The following PTPRD variants were observed in gnomAD, a reference collection of about 807,000 sequenced individuals.
PTPRD encodes receptor-type tyrosine-protein phosphatase delta.
A neutral mutation model predicts 214.5 loss-of-function variants in PTPRD; 34 were observed. The ratio of observed to expected loss-of-function variants is 0.16; its 90% CI spans 0.12 to 0.21. The LOEUF (loss-of-function observed/expected upper bound fraction) is 0.21, where lower values mean the gene tolerates loss of function less well. PTPRD is among the 10% of genes least tolerant of loss of function. PTPRD has a pLI of 1.00. For missense variants in PTPRD, 2,545 were observed against 2,398.7 expected (o/e 1.06, Z -1.27); for synonymous variants, 1,128 against 845.7 (o/e 1.33, Z -5.79).
At chr9:10,607,852 T>A (rs1018517226) in intron 2 of PTPRD, among the ~76,000 whole-genome samples, 10 of 151,976 alleles carry the variant, frequency 6.6e-5, no homozygotes, top group African/African-American at 1.9e-4. Context: ...TACATTTTTT[T>A]AAAGTTAATG....
chr9:9,133,587 CTT>C (rs923758816), intron 10 of PTPRD, among the ~76,000 whole-genome samples: 14 of 152,098 alleles, frequency 9.2e-5, no homozygotes, highest in Non-Finnish European at 1.6e-4. Context: ...AAAAAACTCA[CTT>C]TTGAAGACAT....
At chr9:10,029,174 G>C (rs2096996550) in intron 4 of PTPRD, among the ~76,000 whole-genome samples, 1 of 152,344 alleles carries the variant, frequency 6.6e-6, no homozygotes, top group Non-Finnish European at 1.5e-5. Flanking sequence ...CTAGATTTCA[G>C]AGGATGTACA....
At chr9:9,478,176 C>G (rs1372287987) in intron 8 of PTPRD, among the ~76,000 whole-genome samples, 1 of 152,086 alleles carries the variant, frequency 6.6e-6, no homozygotes, top group African/African-American at 2.4e-5. Flanking sequence ...CTGTTAATAA[C>G]TTGAACATTT....
chr9:10,096,853 T>C (rs1255268670), intron 3 of PTPRD, among the ~76,000 whole-genome samples: 3 of 152,216 alleles, frequency 2.0e-5, no homozygotes, highest in Admixed American at 6.6e-5. Context: ...GGTTTTCTTC[T>C]AGGGTTTTTA....
chr9:10,598,658 C>A (rs1468716348), intron 2 of PTPRD, among the ~76,000 whole-genome samples: 1 of 128,626 alleles, frequency 7.8e-6, no homozygotes, highest in African/African-American at 2.8e-5. Flanking sequence ...ATGTTTTGAA[C>A]CATTTTTATA....
chr9:8,755,386 G>A (rs147591331), intron 11 of PTPRD, among the ~76,000 whole-genome samples: 189 of 151,824 alleles, frequency 1.2e-3, no homozygotes, highest in African/African-American at 3.8e-3. Flanking sequence ...AAAATTAGCC[G>A]AGCATGGCGG....
At chr9:9,214,158 C>T (rs1287916920) in intron 9 of PTPRD, among the ~76,000 whole-genome samples, 4 of 152,148 alleles carry the variant, frequency 2.6e-5, no homozygotes, top group Middle Eastern at 3.4e-3. Flanking sequence ...GCAAAGTATC[C>T]GGGACATTTG....
chr9:8,550,936 C>T (rs1174054884), intron 14 of PTPRD, among the ~76,000 whole-genome samples: 1 of 152,204 alleles, frequency 6.6e-6, no homozygotes, highest in South Asian at 2.1e-4. Flanking sequence ...TGAGCTTATG[C>T]TATAGCTCTC....
intron 33 of PTPRD, among the ~76,000 whole-genome samples, chr9:8,453,404 TCC>T (rs2096046767): frequency 6.6e-6 from 1 of 152,156 alleles, no homozygotes; most frequent in African/African-American, 2.4e-5. Context: ...GACCTTGTGA[TCC>T]ACCCGCCTCA....
intron 39 of PTPRD, among the ~76,000 whole-genome samples, chr9:8,372,274 T>C (rs192950005): frequency 9.9e-5 from 15 of 152,126 alleles, no homozygotes; most frequent in South Asian, 4.1e-4. Context: ...TCATGTTGAA[T>C]TTTTCTTCTC....
chr9:8,547,949 G>A (rs942870182), intron 14 of PTPRD, among the ~76,000 whole-genome samples: 10 of 152,234 alleles, frequency 6.6e-5, no homozygotes, highest in East Asian at 1.9e-4. Context: ...CTCAGCACCT[G>A]ACAGCTGCAA....
intron 2 of PTPRD, among the ~76,000 whole-genome samples, chr9:10,530,665 A>C (rs2055970769): frequency 6.6e-6 from 1 of 152,184 alleles, no homozygotes; most frequent in East Asian, 1.9e-4. Context: ...AATTAATCAT[A>C]ATGATAATAA....
At chr9:9,159,723 T>A (rs1323071607) in intron 10 of PTPRD, among the ~76,000 whole-genome samples, 1 of 152,064 alleles carries the variant, frequency 6.6e-6, no homozygotes, top group Non-Finnish European at 1.5e-5. Context: ...CTTAAATTCG[T>A]ATGGAACTAC....
chr9:8,487,548 T>G (rs998995974), intron 27 of PTPRD, among the ~76,000 whole-genome samples: 3 of 151,636 alleles, frequency 2.0e-5, no homozygotes, highest in Admixed American at 1.3e-4. Context: ...CTGGGTGTGG[T>G]GGCTCACACC....
intron 10 of PTPRD, among the ~76,000 whole-genome samples, chr9:9,120,416 G>C (rs2099816512): frequency 2.0e-5 from 3 of 152,168 alleles, no homozygotes; most frequent in Admixed American, 2.0e-4. Context: ...GCAGCACTCA[G>C]GCAATCTGCC....
At chr9:9,076,322 T>C (rs572050405) in intron 10 of PTPRD, among the ~76,000 whole-genome samples, 119 of 152,238 alleles carry the variant, frequency 7.8e-4, no homozygotes, top group African/African-American at 2.8e-3. Flanking sequence ...TTGCAAAAAT[T>C]TTCCCCCGTT....
chr9:9,887,946 A>C (rs896464022), intron 5 of PTPRD, among the ~76,000 whole-genome samples: 11 of 152,140 alleles, frequency 7.2e-5, no homozygotes, highest in African/African-American at 1.4e-4. Flanking sequence ...TCACATGAAA[A>C]ATAACAAAAT....
chr9:8,624,776 T>C (rs1018374025), intron 14 of PTPRD, among the ~76,000 whole-genome samples: 1 of 151,896 alleles, frequency 6.6e-6, no homozygotes, highest in Non-Finnish European at 1.5e-5. Flanking sequence ...CATGCTTATG[T>C]AGCTAGAAAG....
chr9:10,581,608 T>A (rs1216803961), intron 2 of PTPRD, among the ~76,000 whole-genome samples: 1 of 152,182 alleles, frequency 6.6e-6, no homozygotes, highest in Non-Finnish European at 1.5e-5. Context: ...ATCAAATTAA[T>A]GCCAGTACAC....
Sources: gnomAD v4.1 joint callset for allele counts (sites outside exome capture counted in the v4.1 genomes callset) on GRCh38, gnomAD v4.1.1 for gene constraint, MANE v1.5 for transcripts, NCBI Gene and HGNC (gene_info 2026-07-23, HGNC 2026-07-21) for gene names.